Variants in CHAF1A observed in about 807,000 individuals in gnomAD.
CHAF1A encodes CAF-1 subunit A.
A neutral mutation model predicts 93.2 loss-of-function variants in CHAF1A; 5 were observed. The ratio of observed to expected loss-of-function variants is 0.05; its 90% CI spans 0.03 to 0.11. The LOEUF (loss-of-function observed/expected upper bound fraction) is 0.11. Among genes scored for constraint, CHAF1A ranks in the 10% least tolerant of loss-of-function variants. CHAF1A has a pLI of 1.00. For synonymous variants in CHAF1A, 504 were observed against 510.3 expected (o/e 0.99, Z 0.17); for missense variants, 1,102 against 1,259.9 (o/e 0.87, Z 1.90).
intron 11 of CHAF1A, 135 bp downstream of exon 11, chr19:4,430,776 A>G (rs1043688299): frequency 2.4e-5 from 21 of 869,914 alleles, no homozygotes; most frequent in Middle Eastern, 3.5e-4. Context: ...CAAGCACGCA[A>G]GCTCACTCGT....
chr19:4,443,176 CCTTT>C lies in CHAF1A; in HGVS notation c.*152_*155del. The C allele has an allele frequency of 1.5e-6, 1 of 666,724 alleles. No homozygotes were observed. Among genetic ancestry groups the C allele is most frequent in the Non-Finnish European group, 2.8e-6 (1 of 362,304 alleles). The allele number at this position is 666,724 out of a possible 1,614,324, so 41.3% of individuals were successfully genotyped here. ...TTCTATATAGGATGCTGGATTAGTT[CCTTT>C]GATATTTGTAAAAATTCCCCCAAGA... On this transcript the variant is annotated 3_prime_UTR_variant, in exon 15 of 15. Transcript: ENST00000301280.
chr19:4,426,124 TC>T (rs1344517367), intron 7 of CHAF1A, among the ~76,000 whole-genome samples: 1 of 151,808 alleles, frequency 6.6e-6, no homozygotes, highest in Non-Finnish European at 1.5e-5. Context: ...TATTTCATTC[TC>T]CGTGATATTT....
At chr19:4,405,598 ACT>A (rs1726218173) in intron 1 of CHAF1A, among the ~76,000 whole-genome samples, 1 of 145,222 alleles carries the variant, frequency 6.9e-6, no homozygotes, top group African/African-American at 2.6e-5. Flanking sequence ...ACAGAGTGAG[ACT>A]CTGTCTCCAA....
intron 2 of CHAF1A, among the ~76,000 whole-genome samples, chr19:4,407,929 C>T (rs1296160713): frequency 1.3e-5 from 2 of 151,648 alleles, no homozygotes; most frequent in South Asian, 2.1e-4. Context: ...ACATGGGTGA[C>T]GAGCAAGACT....
rs1279359716 is a variant in CHAF1A at position 4,433,807 on chromosome 19, G to C, written c.2673+268G>C. ...AGTAGAGACGGGGTTTCACCATGTT[G>C]GTCAGGCTGGTCTCGAACTCCTGAC... On this transcript the variant is annotated intron_variant, in intron 13 of 14. Coordinates refer to ENST00000301280, the MANE Select transcript of CHAF1A (RefSeq NM_005483.3). This position sits in a 1 kb window ranked among gnomAD's most constrained non-coding sequence, Gnocchi z 5.6. Among the ~76,000 whole-genome samples the C allele has an allele frequency of 6.6e-6, 1 of 151,772 alleles. No individual in the cohort carries two copies. Among genetic ancestry groups the C allele is most frequent in the East Asian group, 2.0e-4 (1 of 5,088 alleles).
intron 11 of CHAF1A, chr19:4,431,109 C>A: frequency 6.3e-6 from 1 of 158,602 alleles, no homozygotes; most frequent in Non-Finnish European, 1.4e-5. Flanking sequence ...TTCCAGATTC[C>A]ATAAGGTTGT....
chr19:4,411,642 A>ATTTTTTTTTTTTTTT (rs1202069647), intron 3 of CHAF1A, among the ~76,000 whole-genome samples: 30 of 38,054 alleles, frequency 7.9e-4, no homozygotes, highest in African/African-American at 2.0e-3. Flanking sequence ...AATGGTGCAA[A>ATTTTTTTTTTTTTTT]TCTTTTTTTT....
intron 3 of CHAF1A, 139 bp from the exon 4 acceptor site, chr19:4,417,881 G>T (rs764078231): frequency 1.4e-5 from 8 of 574,512 alleles, no homozygotes; most frequent in Non-Finnish European, 2.5e-5. Flanking sequence ...ACACATGTAT[G>T]CACACTTACT....
rs1444942864 is a variant in CHAF1A at position 4,422,322 on chromosome 19, T to C, written c.1018-244T>C. Among the ~76,000 whole-genome samples, 2 of 151,812 alleles carry C rather than the reference T, an allele frequency of 1.3e-5. No individual in the cohort carries two copies. Among genetic ancestry groups the C allele is most frequent in the East Asian group, 1.9e-4 (1 of 5,172 alleles). On this transcript the variant is annotated intron_variant, in intron 4 of 14. Transcript: ENST00000301280. This position sits in a 1 kb window ranked among gnomAD's most constrained non-coding sequence, Gnocchi z 4.6. ...AACCACCGCGCGCAGCCAATTTTTG[T>C]ATTTTTAGTAGAGACAGGGTTTCAC... is the stretch of plus-strand genomic sequence containing the variant.
At chr19:4,408,242 G>A (rs1430976944) in intron 2 of CHAF1A, among the ~76,000 whole-genome samples, 2 of 149,196 alleles carry the variant, frequency 1.3e-5, no homozygotes, top group African/African-American at 5.0e-5. Flanking sequence ...GCCCAGGCTG[G>A]AGTGCAGTGG....
At chr19:4,435,957 G>A (rs186099070) in intron 13 of CHAF1A, among the ~76,000 whole-genome samples, 2 of 152,246 alleles carry the variant, frequency 1.3e-5, no homozygotes, top group Non-Finnish European at 1.5e-5. Flanking sequence ...TGGCCAACAT[G>A]GTGAAACCCT....
chr19:4,405,244 C>T (rs759744299), intron 1 of CHAF1A, among the ~76,000 whole-genome samples: 8 of 152,000 alleles, frequency 5.3e-5, no homozygotes, highest in East Asian at 1.9e-4. Flanking sequence ...TCCAGAGAGA[C>T]GTAATAAACA....
chr19:4,446,631 C>T (rs144934048), downstream of CHAF1A: 12 of 1,612,516 alleles, frequency 7.4e-6, no homozygotes, highest in African/African-American at 6.7e-5. Flanking sequence ...GCACGGGCTC[C>T]GCAGCCAGCA....
intron 7 of CHAF1A, among the ~76,000 whole-genome samples, chr19:4,425,144 G>A (rs959497667): frequency 3.3e-5 from 5 of 152,104 alleles, no homozygotes; most frequent in African/African-American, 2.4e-5. Context: ...ATGTGACATT[G>A]TTGTACCTAC....
downstream of CHAF1A, among the ~76,000 whole-genome samples, chr19:4,444,003 C>T (rs1974448576): frequency 1.3e-5 from 2 of 152,208 alleles, no homozygotes. Flanking sequence ...TCAGGGACGG[C>T]AGGGCGCCCG....
chr19:4,421,261 T>C (rs910023149), intron 4 of CHAF1A, among the ~76,000 whole-genome samples: 1 of 151,686 alleles, frequency 6.6e-6, no homozygotes, highest in African/African-American at 2.4e-5. Context: ...TTTGGTAGAC[T>C]TGGGGTTTCA....
chr19:4,425,195 T>G (rs1974059616), intron 7 of CHAF1A, among the ~76,000 whole-genome samples: 1 of 152,220 alleles, frequency 6.6e-6, no homozygotes, highest in African/African-American at 2.4e-5. Flanking sequence ...TCATGTATTT[T>G]CACTGCCGCA....
At chr19:4,429,228 G>C in intron 8 of CHAF1A, 1 of 626,648 alleles carries the variant, frequency 1.6e-6, no homozygotes, top group Non-Finnish European at 2.8e-6. Context: ...CTGGGCAGCT[G>C]TCCTCCCTCT....
chr19:4,442,804 G>C lies in CHAF1A; in HGVS notation c.2771-121G>C, dbSNP rs535502228. 5 of 678,166 alleles carry C rather than the reference G, an allele frequency of 7.4e-6. 1 individual carries two copies. In the South Asian group the frequency reaches 1.0e-4, roughly 14 times the overall value. The allele number at this position is 678,166 out of a possible 1,614,324, so 42.0% of individuals were successfully genotyped here. On this transcript the variant is annotated intron_variant, in intron 14 of 14. Transcript: ENST00000301280. ...GCCCCAGCCTCTGCCTGTCCCCACT[G>C]TCAGGTGGAGGGTCCCGCCCTGGGG...
Sources: allele counts gnomAD v4.1 joint callset (sites outside exome capture counted in the v4.1 genomes callset), GRCh38; gene constraint gnomAD v4.1.1; non-coding constraint Gnocchi (gnomAD v3.1); transcripts MANE v1.5; gene names NCBI Gene and HGNC (gene_info 2026-07-23, HGNC 2026-07-21).